DGKB: variants seen among roughly 807,000 people sequenced by gnomAD.
The protein encoded by DGKB is 90 kDa diacylglycerol kinase.
In DGKB, 67 loss-of-function variants were observed where a neutral mutation model predicts 114.3. That is an observed-to-expected ratio of 0.59 (90% CI 0.48 to 0.72). DGKB has a LOEUF of 0.72. Ranked by LOEUF, DGKB falls within the 30% of genes least tolerant of loss-of-function variation. The pLI is 0.00. For missense variants in DGKB, 907 were observed against 975.2 expected, an observed-to-expected ratio of 0.93 and a Z score of 0.93; for synonymous variants, 398 against 323.1, an observed-to-expected ratio of 1.23 and a Z score of -2.49.
At chr7:14,571,811 C>T (rs1271695464) in intron 20 of DGKB, among the ~76,000 whole-genome samples, 3 of 152,072 alleles carry the variant, frequency 2.0e-5, no homozygotes, top group Non-Finnish European at 2.9e-5. Context: ...AGTGTTTGAG[C>T]GCAATCTCTA....
At chr7:14,415,429 C>A (rs1288700790) in intron 21 of DGKB, among the ~76,000 whole-genome samples, 1 of 151,476 alleles carries the variant, frequency 6.6e-6, no homozygotes, top group Non-Finnish European at 1.5e-5. Context: ...ACTCCCCCCA[C>A]CCCACAACAG....
intron 9 of DGKB, among the ~76,000 whole-genome samples, chr7:14,689,994 A>T (rs1175085387): frequency 2.0e-5 from 3 of 152,220 alleles, no homozygotes; most frequent in Non-Finnish European, 2.9e-5. Flanking sequence ...GTGAGACCAA[A>T]GTATAAACCA....
At chr7:14,434,975 C>T (rs1829022731) in intron 21 of DGKB, among the ~76,000 whole-genome samples, 1 of 152,080 alleles carries the variant, frequency 6.6e-6, no homozygotes, top group Admixed American at 6.6e-5. Context: ...ACCTTCTCTT[C>T]CCCATTTCCT....
At chr7:14,550,589 A>G (rs1264131930) in intron 20 of DGKB, among the ~76,000 whole-genome samples, 1 of 152,176 alleles carries the variant, frequency 6.6e-6, no homozygotes, top group Non-Finnish European at 1.5e-5. Context: ...ATGTCACAAA[A>G]CAATAAAAAA....
chr7:14,777,475 G>A (rs1334495842), intron 2 of DGKB, among the ~76,000 whole-genome samples: 1 of 152,100 alleles, frequency 6.6e-6, no homozygotes, highest in African/African-American at 2.4e-5. Context: ...CTGAATCATG[G>A]TGGCAGGTAC....
intron 6 of DGKB, among the ~76,000 whole-genome samples, chr7:14,703,215 A>T (rs543805184): frequency 6.6e-6 from 1 of 152,346 alleles, no homozygotes; most frequent in South Asian, 2.1e-4. Context: ...AATAAGGCAA[A>T]TATCTAGAAA....
At chr7:14,632,766 G>T (rs1370465926) in intron 13 of DGKB, among the ~76,000 whole-genome samples, 1 of 151,748 alleles carries the variant, frequency 6.6e-6, no homozygotes, top group Admixed American at 6.6e-5. Flanking sequence ...TTTCTAGGCT[G>T]CTGGGAAAGA....
rs535312951 is a variant in DGKB, at chr7:14,698,371, T to C, written c.517-202A>G. 2.6e-5 allele frequency among the ~76,000 whole-genome samples: 4 copies of C among 152,238 alleles called. No individual in the cohort carries two copies. The South Asian group carries it at 8.3e-4, about 32-fold the overall frequency. Reference sequence around the variant, plus strand: ...GAATCCTGAATATAAATTTATCTTGTACATTGTCTAGAAATTTTCACCAGG... The same window carrying C: ...GAATCCTGAATATAAATTTATCTTGCACATTGTCTAGAAATTTTCACCAGG... On this transcript the variant is annotated intron_variant, in intron 7 of 25. Coordinates refer to ENST00000402815, the MANE Select transcript of DGKB (RefSeq NM_001350709.2).
Position 14,545,163 on chromosome 7 carries a change from G to A in DGKB, c.1770+29049C>T, listed in dbSNP as rs186268582. 2.5e-4 allele frequency among the ~76,000 whole-genome samples: 38 copies of A among 151,432 alleles called. 1 individual carries two copies. In the East Asian group the frequency reaches 6.2e-3, roughly 25 times the overall value. ...TTCTATGCATCTATGCTGTGATAAC[G>A]ATTAAGGCACCCTAAAAAAATGTTA... On this transcript the variant is annotated intron_variant, in intron 20 of 25. Transcript: ENST00000402815.
chr7:14,874,602 C>G (rs1264621661), intron 1 of DGKB, among the ~76,000 whole-genome samples: 1 of 151,842 alleles, frequency 6.6e-6, no homozygotes, highest in Admixed American at 6.6e-5. Flanking sequence ...CACACACACA[C>G]ATATCTATAT....
Position 14,453,094 on chromosome 7 carries a change from A to G in DGKB, c.1835+25067T>C, listed in dbSNP as rs115961428. On this transcript the variant is annotated intron_variant, in intron 21 of 25. Transcript: ENST00000402815. ...TTACTACGCTCCAGGCACTGTTCTT[A>G]GTGCTTTAGATGCATTAACTCATTT... Among the ~76,000 whole-genome samples the G allele has an allele frequency of 3.0e-3, 454 of 152,238 alleles. 3 individuals carry two copies. The highest frequency in any genetic ancestry group is 0.011 in the African/African-American group (438 of 41,562).
chr7:14,408,436 G>A (rs756962776), intron 21 of DGKB, among the ~76,000 whole-genome samples: 1 of 152,042 alleles, frequency 6.6e-6, no homozygotes, highest in Non-Finnish European at 1.5e-5. Context: ...GTAAGACAAA[G>A]CAATCATTTT....
intron 1 of DGKB, among the ~76,000 whole-genome samples, chr7:14,936,897 A>C (rs2128252932): frequency 6.6e-6 from 1 of 152,026 alleles, no homozygotes; most frequent in African/African-American, 2.4e-5. Flanking sequence ...CTAGGCTTTC[A>C]TTTATATCAG....
At chr7:14,778,054 A>C (rs1409151503) in intron 2 of DGKB, among the ~76,000 whole-genome samples, 1 of 152,214 alleles carries the variant, frequency 6.6e-6, no homozygotes, top group Non-Finnish European at 1.5e-5. Context: ...GAATTAATTA[A>C]AGAGACATCA....
rs1798808454 is a variant in DGKB at position 14,574,341 on chromosome 7, T to C, written c.1641A>G (p.Leu547=). Residue 547 remains leucine (L), a synonymous_variant, in exon 20 of 26, where the codon CTA becomes CTG. Coordinates refer to ENST00000402815, the MANE Select transcript of DGKB (RefSeq NM_001350709.2). ...GYEGENLMKI[L]KDIENSTEIM... is the part of the protein sequence containing the mutation. ...TTTCTGTGCTGTTTTCAATGTCTTTTAGAATTTTCATCAGATTCTCACCTT... is the reference window on the plus strand; with the variant it reads ...TTTCTGTGCTGTTTTCAATGTCTTTCAGAATTTTCATCAGATTCTCACCTT... The C allele has an allele frequency of 1.2e-6, 2 of 1,612,876 alleles. No homozygotes were observed. Among genetic ancestry groups the C allele is most frequent in the African/African-American group, 2.7e-5 (2 of 74,886 alleles).
At chr7:14,819,415 G>A (rs1757060486) in intron 2 of DGKB, among the ~76,000 whole-genome samples, 1 of 151,876 alleles carries the variant, frequency 6.6e-6, no homozygotes. Flanking sequence ...GGGAAACCCC[G>A]TCTTTACAAA....
chr7:14,852,486 T>TAAAAAAAAAAAAAAAAAAAAAA (rs1554304182), intron 1 of DGKB, among the ~76,000 whole-genome samples: 2 of 7,772 alleles, frequency 2.6e-4, no homozygotes, highest in Non-Finnish European at 6.3e-4. Flanking sequence ...ATAGTGAAAG[T>TAAAAAAAAAAAAAAAAAAAAAA]CAAAAAAAAA....
chr7:14,187,467 G>A (rs1783616180), intron 23 of DGKB, among the ~76,000 whole-genome samples: 2 of 152,238 alleles, frequency 1.3e-5, no homozygotes, highest in South Asian at 4.1e-4. Flanking sequence ...AGCTGGTCCA[G>A]TGATAATTCT....
chr7:14,177,264 T>C (rs994505459), intron 24 of DGKB, among the ~76,000 whole-genome samples: 14 of 152,090 alleles, frequency 9.2e-5, no homozygotes, highest in African/African-American at 3.4e-4. Context: ...CCAGTTCTTC[T>C]AGCACCAACA....
Sources: gnomAD v4.1 joint callset for allele counts (sites outside exome capture counted in the v4.1 genomes callset) on GRCh38, gnomAD v4.1.1 for gene constraint, MANE v1.5 for transcripts, NCBI Gene and HGNC (gene_info 2026-07-23, HGNC 2026-07-21) for gene names.